Variants in LGSN observed in about 807,000 individuals in gnomAD.
LGSN encodes lengsin, lens protein with glutamine synthetase domain.
A neutral mutation model predicts 19.5 loss-of-function variants in LGSN; 21 were observed. The ratio of observed to expected loss-of-function variants is 1.07; its 90% CI spans 0.76 to 1.55. LGSN has a LOEUF of 1.55. Among genes scored for constraint, LGSN ranks in the 40% most tolerant of loss-of-function variants. The pLI, the probability that LGSN is intolerant of heterozygous loss-of-function variation, is 0.00. For synonymous variants in LGSN, 257 were observed against 215.6 expected (o/e 1.19, Z -1.68); for missense variants, 673 against 608.5 (o/e 1.11, Z -1.12).
the LGSN span, among the ~76,000 whole-genome samples, chr6:63,449,531 G>A: frequency 2.0e-5 from 3 of 149,380 alleles, no homozygotes; most frequent in Admixed American, 6.7e-5. Context: ...GCAACAGAGC[G>A]AGACTCCGTC....
At chr6:63,342,767 A>G in the LGSN span, among the ~76,000 whole-genome samples, 8 of 152,364 alleles carry the variant, frequency 5.3e-5, no homozygotes, top group Non-Finnish European at 1.0e-4. Context: ...ATCGATCAGA[A>G]CCATGCACTG....
chr6:63,341,630 T>G, the LGSN span, among the ~76,000 whole-genome samples: 2 of 152,248 alleles, frequency 1.3e-5, no homozygotes, highest in Non-Finnish European at 2.9e-5. Flanking sequence ...GCTAGTGTGA[T>G]GGAACCCCCT....
chr6:63,450,871 G>A, the LGSN span, among the ~76,000 whole-genome samples: 2 of 151,774 alleles, frequency 1.3e-5, no homozygotes, highest in South Asian at 2.1e-4. Flanking sequence ...ATAAGGTTTC[G>A]CCATGTTGCC....
chr6:63,306,438 C>G (rs746975437), intron 1 of LGSN, among the ~76,000 whole-genome samples: 7 of 152,140 alleles, frequency 4.6e-5, no homozygotes, highest in Non-Finnish European at 8.8e-5. Context: ...TTTTATAACT[C>G]TTTTCTGTAT....
chr6:63,504,837 G>A, the LGSN span, among the ~76,000 whole-genome samples: 1 of 152,166 alleles, frequency 6.6e-6, no homozygotes, highest in Admixed American at 6.5e-5. Context: ...GGACTAAGTG[G>A]ATTTTATTCA....
the LGSN span, among the ~76,000 whole-genome samples, chr6:63,568,484 A>C: frequency 2.3e-3 from 348 of 152,332 alleles, 2 homozygotes; most frequent in Middle Eastern, 0.014. Context: ...CAATAACAAT[A>C]TCAAAGATCA....
chr6:63,466,829 T>TTTG, the LGSN span, among the ~76,000 whole-genome samples: 6 of 152,124 alleles, frequency 3.9e-5, no homozygotes, highest in Non-Finnish European at 8.8e-5. Flanking sequence ...ATGTAAAGTA[T>TTTG]GAGATGTCTA....
At chr6:63,513,927 A>T in the LGSN span, among the ~76,000 whole-genome samples, 1 of 148,980 alleles carries the variant, frequency 6.7e-6, no homozygotes, top group African/African-American at 2.5e-5. Context: ...AAAAAAAAAA[A>T]AAAAAAAAAC....
chr6:63,357,827 T>C, the LGSN span, among the ~76,000 whole-genome samples: 1 of 152,222 alleles, frequency 6.6e-6, no homozygotes, highest in Admixed American at 6.5e-5. Context: ...GCAGAAGCTC[T>C]TTAGTTTAAT....
At position 63,319,963 on chromosome 6, in the gene LGSN, A is replaced by G. The variant is rs1016036391; in HGVS notation, c.-20T>C. On this transcript the variant is annotated 5_prime_UTR_variant, in exon 1 of 4. Coordinates refer to ENST00000370657, the MANE Select transcript of LGSN (RefSeq NM_016571.3). ...ATTCATCTCAACACTTTTTAAGTTC[A>G]GCGTTAGAAACCACAATATCCTCAA... is the stretch of plus-strand genomic sequence containing the variant. 1.3e-6 allele frequency: 2 copies of G among 1,597,588 alleles called. No homozygotes were observed. Among genetic ancestry groups the G allele is most frequent in the Non-Finnish European group, 8.6e-7 (1 of 1,165,206 alleles).
At chr6:63,506,115 T>G in the LGSN span, among the ~76,000 whole-genome samples, 78 of 152,360 alleles carry the variant, frequency 5.1e-4, no homozygotes, top group Non-Finnish European at 1.1e-3. Flanking sequence ...TGCTTAGGTT[T>G]TTGACATAGT....
the LGSN span, among the ~76,000 whole-genome samples, chr6:63,376,166 C>T: frequency 1.4e-4 from 21 of 152,260 alleles, no homozygotes; most frequent in African/African-American, 4.1e-4. Flanking sequence ...GCTAATTGCG[C>T]TTACATTTTC....
At chr6:63,373,843 G>A in the LGSN span, among the ~76,000 whole-genome samples, 2 of 151,714 alleles carry the variant, frequency 1.3e-5, no homozygotes, top group African/African-American at 2.4e-5. Flanking sequence ...GCTGAGGCAC[G>A]AGAATGGCTT....
At chr6:63,552,578 C>T in the LGSN span, among the ~76,000 whole-genome samples, 1 of 152,148 alleles carries the variant, frequency 6.6e-6, no homozygotes, top group African/African-American at 2.4e-5. Flanking sequence ...GTTGCCATTG[C>T]TTTTGGTGTT....
chr6:63,472,993 C>T, the LGSN span, among the ~76,000 whole-genome samples: 2 of 150,076 alleles, frequency 1.3e-5, no homozygotes, highest in Admixed American at 6.6e-5. Flanking sequence ...TTTTTTTTGC[C>T]CAATTCAAGG....
chr6:63,354,987 A>ATGGGTG, the LGSN span, among the ~76,000 whole-genome samples: 6 of 152,126 alleles, frequency 3.9e-5, no homozygotes, highest in Admixed American at 6.6e-5. Context: ...TAGGAAGGGT[A>ATGGGTG]TGGGTGTGGG....
At chr6:63,561,111 A>C in the LGSN span, among the ~76,000 whole-genome samples, 1 of 152,220 alleles carries the variant, frequency 6.6e-6, no homozygotes, top group Non-Finnish European at 1.5e-5. Flanking sequence ...GAGCATAAGA[A>C]AGTAAATAAC....
the LGSN span, among the ~76,000 whole-genome samples, chr6:63,475,453 G>A: frequency 9.2e-5 from 14 of 152,096 alleles, no homozygotes; most frequent in Non-Finnish European, 1.6e-4. Context: ...TCCTGGGGAA[G>A]TGATATGTGT....
At chr6:63,432,179 G>GAAAGA in the LGSN span, among the ~76,000 whole-genome samples, 4,872 of 112,864 alleles carry the variant, frequency 0.043, 752 homozygotes, top group Admixed American at 0.11. Context: ...GAAAAGGAAA[G>GAAAGA]AAAGAAAAGA....
Sources: allele counts gnomAD v4.1 joint callset (sites outside exome capture counted in the v4.1 genomes callset), GRCh38; gene constraint gnomAD v4.1.1; transcripts MANE v1.5; gene names NCBI Gene and HGNC (gene_info 2026-07-23, HGNC 2026-07-21).